The following COQ6 variants were observed in gnomAD, a reference collection of about 807,000 sequenced individuals.
COQ6 encodes the protein ubiquinone biosynthesis monooxygenase COQ6, mitochondrial.
Under a neutral mutation model 55.5 loss-of-function variants are expected in COQ6, and 45 were observed. That is an observed-to-expected ratio of 0.81 (90% CI 0.64 to 1.04). The LOEUF (loss-of-function observed/expected upper bound fraction) is 1.04. Among genes scored for constraint, COQ6 ranks in the 50% least tolerant of loss-of-function variants. The probability of loss-of-function intolerance (pLI) is 0.00; values close to 1 mark genes in which losing one functional copy is unlikely to be tolerated. For synonymous variants in COQ6, 206 were observed against 230.5 expected, an observed-to-expected ratio of 0.89 and a Z score of 0.96; for missense variants, 550 against 601.3, an observed-to-expected ratio of 0.91 and a Z score of 0.89.
At chr14:73,955,409 C>T in intron 2 of COQ6, 42 bp from the exon 3 acceptor site, 1 of 1,528,410 alleles carries the variant, frequency 6.5e-7, no homozygotes, top group Non-Finnish European at 9.1e-7. Flanking sequence ...GAGCCCAGGT[C>T]CTTGTGAAGT....
rs185506158 is a variant in COQ6 at position 73,960,833 on chromosome 14, C to T, written c.892-340C>T. ...AGATGTTATCCTAATGAAATAGAGA[C>T]GGGCATTCTAAGCAGAGGAGAGTCA... On this transcript the variant is annotated intron_variant, in intron 8 of 11. Transcript: ENST00000334571. 7.2e-5 allele frequency: 29 copies of T among 403,810 alleles called. No homozygotes were observed. The East Asian group carries it at 9.4e-4, about 13-fold the overall frequency. The allele number at this position is 403,810 out of a possible 1,614,324, so 25.0% of individuals were successfully genotyped here.
chr14:73,956,621 T>G (rs2056449665), intron 4 of COQ6: 1 of 149,982 alleles, frequency 6.7e-6, no homozygotes, highest in Non-Finnish European at 1.5e-5. Context: ...TGATGCTGAG[T>G]ATCTTTTCAT....
upstream of COQ6, chr14:73,950,104 G>A: frequency 6.2e-7 from 1 of 1,603,370 alleles, no homozygotes; most frequent in Non-Finnish European, 8.5e-7. Flanking sequence ...TGCGGGGCCA[G>A]GGTCCACCCC....
rs375851747 is a variant in COQ6, at chr14:73,962,379, A to G, written c.1377+476A>G. Among the ~76,000 whole-genome samples, 4 of 152,088 alleles carry G rather than the reference A, an allele frequency of 2.6e-5. No homozygotes were observed. In the East Asian group the frequency reaches 7.7e-4, roughly 29 times the overall value. ...GTGTTACGGCCCACATCTAAGCAAT[A>G]ACTATGTATAAAAAGGGCTTAAAAA... is the stretch of plus-strand genomic sequence containing the variant. On this transcript the variant is annotated intron_variant, in intron 11 of 11. Coordinates refer to ENST00000334571, the MANE Select transcript of COQ6 (RefSeq NM_182476.3).
chr14:73,958,470 T>C (rs570018263), intron 5 of COQ6, 193 bp downstream of exon 5: 8 of 1,440,288 alleles, frequency 5.6e-6, no homozygotes, highest in Non-Finnish European at 7.3e-6. Context: ...AGCAATCTCA[T>C]GGGCCGTCTT....
In COQ6 at chr14:73,950,357, T is replaced by A. The variant is rs1404763837; in HGVS notation, c.25T>A (p.Cys9Ser). 6.4e-7 allele frequency: 1 copy of A among 1,557,160 alleles called. No individual in the cohort carries two copies. Among genetic ancestry groups the A allele is most frequent in the Non-Finnish European group, 8.7e-7 (1 of 1,153,586 alleles). Residue 9 changes from cysteine to serine, a missense_variant, in exon 1 of 12, where the codon TGC (cysteine) becomes AGC (serine). Transcript: ENST00000334571. Reference sequence around the variant, plus strand: ...CATGGCGGCCCGGCTTGTCAGCCGATGCGGGGCTGTGCGTGCAGCTCCCCA... The same window carrying A: ...CATGGCGGCCCGGCTTGTCAGCCGAAGCGGGGCTGTGCGTGCAGCTCCCCA... MAARLVSR[C>S]GAVRAAPHSG...
At chr14:73,958,020 A>AT (rs1324619495) in intron 4 of COQ6, 127 bp from the exon 5 acceptor site, 17 of 811,230 alleles carry the variant, frequency 2.1e-5, no homozygotes, top group African/African-American at 3.4e-5. Flanking sequence ...TTAATTACTG[A>AT]TTTTTTTAAT....
intron 11 of COQ6, 139 bp from the exon 12 acceptor site, chr14:73,962,831 A>G (rs561979144): frequency 5.7e-6 from 4 of 706,848 alleles, no homozygotes; most frequent in Admixed American, 4.6e-5. Context: ...ACGTGTGTAT[A>G]TGTATGTATA....
At chr14:73,960,451 C>T (rs2056664103) in intron 8 of COQ6, 3 of 989,786 alleles carry the variant, frequency 3.0e-6, no homozygotes, top group Non-Finnish European at 2.4e-6. Flanking sequence ...ACACCAAAGA[C>T]TCCACTGCTC....
chr14:73,961,138 T>G, intron 8 of COQ6, 35 bp from the exon 9 acceptor site: 1 of 1,606,374 alleles, frequency 6.2e-7, no homozygotes, highest in Non-Finnish European at 8.5e-7. Flanking sequence ...CTACTCACAT[T>G]TCACCTTGTT....
rs112175736 is a variant in COQ6 at position 73,956,201 on chromosome 14, G to A, written c.481+273G>A. Reference sequence around the variant, plus strand: ...CAATTAGCCAGGCATGGTGGCGGGCGCCTATAGACCCAGCTACTTGGGAGG... The same window carrying A: ...CAATTAGCCAGGCATGGTGGCGGGCACCTATAGACCCAGCTACTTGGGAGG... On this transcript the variant is annotated intron_variant, in intron 4 of 11. Transcript: ENST00000334571. The A allele has an allele frequency of 6.0e-3, 2,248 of 376,156 alleles. 42 individuals carry two copies. The highest frequency in any genetic ancestry group is 0.044 in the African/African-American group (2,085 of 47,546). The allele number at this position is 376,156 out of a possible 1,614,324, so 23.3% of individuals were successfully genotyped here. A position where few individuals can be genotyped will look rare whatever the true frequency, so the allele number is the denominator to read the frequency against.
In COQ6 at chr14:73,955,461, C is replaced by G. The variant is rs1300019144; in HGVS notation, c.309C>G (p.Ala103=). The change falls in exon 3 of 12, where the codon GCC becomes GCG. Residue 103 remains alanine (A), a synonymous_variant. Coordinates refer to ENST00000334571, the MANE Select transcript of COQ6 (RefSeq NM_182476.3). ...GSATLLSSFG[A]WDHICNMRYR... is the part of the protein sequence containing the mutation. Reference sequence around the variant, plus strand: ...TCCTTTCTTTTGTAGGTTTTGGTGCCTGGGACCATATCTGCAACATGAGAT... The same window carrying G: ...TCCTTTCTTTTGTAGGTTTTGGTGCGTGGGACCATATCTGCAACATGAGAT... 1 of 1,613,974 alleles carries G rather than the reference C, an allele frequency of 6.2e-7. No homozygotes were observed. The highest frequency in any genetic ancestry group is 1.3e-5 in the African/African-American group (1 of 74,916).
chr14:73,957,427 A>G (rs2056491078), intron 4 of COQ6, among the ~76,000 whole-genome samples: 1 of 152,184 alleles, frequency 6.6e-6, no homozygotes, highest in South Asian at 2.1e-4. Flanking sequence ...ACTGACTGAC[A>G]TACAAAAAGC....
intron 7 of COQ6, 71 bp downstream of exon 7, chr14:73,959,295 T>C (rs769227613): frequency 1.2e-6 from 2 of 1,614,168 alleles, no homozygotes; most frequent in South Asian, 2.2e-5. Context: ...CTCAGCCTTT[T>C]TCTGGTTTCA....
Position 73,959,082 on chromosome 14 carries a change from A to G in COQ6, c.720+4A>G. ...GGCTACTCTGCATTTATCAGAGGTA[A>G]GATCCTGAGCTGCCATCTGGGGACT... On this transcript the variant is annotated splice_donor_region_variant and intron_variant, in intron 6 of 11. Transcript: ENST00000334571. The G allele has an allele frequency of 6.2e-7, 1 of 1,614,190 alleles. No homozygotes were observed.
At position 73,961,590 on chromosome 14, in the gene COQ6, G is replaced by C. The variant is rs781288769; in HGVS notation, c.1210+20G>C. Reference sequence around the variant, plus strand: ...ACTTAGGTAAGGATTCAGATACTATGGGGAAGTATCCAGAGGTCATATAGT... The same window carrying C: ...ACTTAGGTAAGGATTCAGATACTATCGGGAAGTATCCAGAGGTCATATAGT... On this transcript the variant is annotated intron_variant, in intron 10 of 11. Transcript: ENST00000334571. 4 of 1,612,634 alleles carry C rather than the reference G, an allele frequency of 2.5e-6. No homozygotes were observed. In the South Asian group the frequency reaches 4.4e-5, roughly 18 times the overall value.
intron 2 of COQ6, 22 bp from the exon 3 acceptor site, chr14:73,955,429 C>A (rs1036540303): frequency 1.9e-6 from 3 of 1,608,824 alleles, no homozygotes. Flanking sequence ...TCACTCTGGT[C>A]TATAGATCCT....
At chr14:73,953,699 T>G (rs1594788273) in intron 2 of COQ6, 130 bp downstream of exon 2, 1 of 1,237,280 alleles carries the variant, frequency 8.1e-7, no homozygotes, top group Non-Finnish European at 1.2e-6. Flanking sequence ...AGAGAGGGGG[T>G]GGGATTGGTA....
intron 5 of COQ6, 184 bp from the exon 6 acceptor site, chr14:73,958,787 T>C: frequency 6.7e-7 from 1 of 1,500,774 alleles, no homozygotes; most frequent in Non-Finnish European, 8.9e-7. Context: ...TTTGGCTCTG[T>C]TGGCTGAGGC....
Sources: gnomAD v4.1 joint callset for allele counts (sites outside exome capture counted in the v4.1 genomes callset) on GRCh38, gnomAD v4.1.1 for gene constraint, MANE v1.5 for transcripts, NCBI Gene and HGNC (gene_info 2026-07-23, HGNC 2026-07-21) for gene names.